Variants in SORCS2 observed in about 807,000 individuals in gnomAD.
The protein encoded by SORCS2 is sortilin related VPS10 domain containing receptor 2.
In SORCS2, 100 loss-of-function variants were observed where a neutral mutation model predicts 141.6. The ratio of observed to expected loss-of-function variants is 0.71; its 90% confidence interval spans 0.60 to 0.83. SORCS2 has a LOEUF of 0.83. SORCS2 is among the 40% of genes least tolerant of loss of function. The pLI, the probability that SORCS2 is intolerant of heterozygous loss-of-function variation, is 0.00. For missense variants in SORCS2, 1,646 were observed against 1,560.2 expected (o/e 1.05, Z -0.93); for synonymous variants, 789 against 676.9 (o/e 1.17, Z -2.57).
chr4:7,451,873 A>G (rs577450403), intron 2 of SORCS2, among the ~76,000 whole-genome samples: 15 of 152,322 alleles, frequency 9.8e-5, no homozygotes, highest in African/African-American at 3.6e-4. Context: ...CTGGGTCTGA[A>G]CATTCCCTGA....
At chr4:7,361,690 G>A (rs1373350233) in intron 1 of SORCS2, among the ~76,000 whole-genome samples, 3 of 150,938 alleles carry the variant, frequency 2.0e-5, no homozygotes, top group Admixed American at 2.0e-4. Context: ...GGGTGTGGGG[G>A]CCCGGGGAAG....
intron 1 of SORCS2, among the ~76,000 whole-genome samples, chr4:7,345,809 A>G (rs983573441): frequency 6.6e-6 from 1 of 151,264 alleles, no homozygotes; most frequent in African/African-American, 2.4e-5. Context: ...TCTCTCCCCA[A>G]CTCCATGCTC....
chr4:7,386,013 G>C (rs1723271458), intron 1 of SORCS2, among the ~76,000 whole-genome samples: 1 of 152,172 alleles, frequency 6.6e-6, no homozygotes, highest in Non-Finnish European at 1.5e-5. Context: ...GGCCAGACTG[G>C]GGTACATCCA....
intron 2 of SORCS2, among the ~76,000 whole-genome samples, chr4:7,522,588 C>T (rs9995830): frequency 0.01 from 1,526 of 152,198 alleles, 22 homozygotes; most frequent in African/African-American, 0.035. Flanking sequence ...TAAGCGCTGT[C>T]GTCCTACTCC....
intron 2 of SORCS2, among the ~76,000 whole-genome samples, chr4:7,469,574 C>T (rs1028126737): frequency 2.6e-5 from 4 of 152,336 alleles, no homozygotes; most frequent in African/African-American, 9.6e-5. Flanking sequence ...CTGTAGCTTC[C>T]TTCCAGCCCC....
intron 12 of SORCS2, among the ~76,000 whole-genome samples, chr4:7,698,873 G>A (rs1304174335): frequency 6.6e-6 from 1 of 152,018 alleles, no homozygotes; most frequent in Non-Finnish European, 1.5e-5. Flanking sequence ...AAGTTTCTTG[G>A]GGTGGGCTGA....
At chr4:7,631,127 G>T (rs1162538093) in intron 3 of SORCS2, among the ~76,000 whole-genome samples, 1 of 149,774 alleles carries the variant, frequency 6.7e-6, no homozygotes, top group Non-Finnish European at 1.5e-5. Flanking sequence ...CTGGGACATT[G>T]GCACCACCTT....
At chr4:7,738,034 C>G (rs1160958516) in intron 26 of SORCS2, among the ~76,000 whole-genome samples, 1 of 152,256 alleles carries the variant, frequency 6.6e-6, no homozygotes, top group Non-Finnish European at 1.5e-5. Context: ...GAGCCACACC[C>G]CTTTCAGGGC....
intron 3 of SORCS2, among the ~76,000 whole-genome samples, chr4:7,573,343 A>G (rs531052793): frequency 9.2e-5 from 14 of 152,244 alleles, no homozygotes; most frequent in Non-Finnish European, 2.1e-4. Context: ...AAATGTTGAC[A>G]GGTCCCAGTG....
intron 1 of SORCS2, among the ~76,000 whole-genome samples, chr4:7,252,315 G>A (rs1356496571): frequency 6.6e-6 from 1 of 152,172 alleles, no homozygotes; most frequent in Non-Finnish European, 1.5e-5. Flanking sequence ...CTGGGAGGGA[G>A]GGCATGCTGG....
intron 1 of SORCS2, among the ~76,000 whole-genome samples, chr4:7,257,191 C>A (rs1713947910): frequency 6.6e-6 from 1 of 152,104 alleles, no homozygotes; most frequent in Non-Finnish European, 1.5e-5. Context: ...AGTGATATTT[C>A]ACACAGATGG....
intron 2 of SORCS2, among the ~76,000 whole-genome samples, chr4:7,465,376 C>T (rs373313086): frequency 1.2e-4 from 18 of 152,108 alleles, no homozygotes; most frequent in East Asian, 1.2e-3. Context: ...ATGTGGTATT[C>T]GGGCTTTATC....
rs961025292 is a variant in SORCS2, at chr4:7,473,453, G to A, written c.549-58077G>A. Reference sequence around the variant, plus strand: ...CTCCAGAAGAGGGGCTTCACCCTGCGGTTGGGAAGGGCTGAGGGGCGTGCA... The same window carrying A: ...CTCCAGAAGAGGGGCTTCACCCTGCAGTTGGGAAGGGCTGAGGGGCGTGCA... On this transcript the variant is annotated intron_variant, in intron 2 of 26. Transcript: ENST00000507866. Among the ~76,000 whole-genome samples, 4 of 152,184 alleles carry A rather than the reference G, an allele frequency of 2.6e-5. No homozygotes were observed. In the East Asian group the frequency reaches 5.8e-4, roughly 22 times the overall value.
intron 3 of SORCS2, among the ~76,000 whole-genome samples, chr4:7,552,761 A>C (rs576617195): frequency 6.6e-6 from 1 of 151,206 alleles, no homozygotes; most frequent in Admixed American, 6.6e-5. Context: ...CTGCCTCTCC[A>C]CTCCAGCACC....
At chr4:7,433,357 T>C in intron 2 of SORCS2, 1 of 1,441,350 alleles carries the variant, frequency 6.9e-7, no homozygotes, top group African/African-American at 1.4e-5. Context: ...TTTCCATACA[T>C]GCTTCTGGCA....
At chr4:7,533,161 G>T (rs62280212) in intron 3 of SORCS2, among the ~76,000 whole-genome samples, 3,764 of 152,314 alleles carry the variant, frequency 0.025, 73 homozygotes, top group Non-Finnish European at 0.041. Flanking sequence ...ACCTGGTGGT[G>T]CAGGGGGCCT....
At chr4:7,636,418 C>T (rs1175327480) in intron 3 of SORCS2, among the ~76,000 whole-genome samples, 1 of 152,240 alleles carries the variant, frequency 6.6e-6, no homozygotes, top group African/African-American at 2.4e-5. Context: ...AACGAACGAA[C>T]ACTGTGTGCT....
At chr4:7,405,223 G>T (rs13102710) in intron 2 of SORCS2, among the ~76,000 whole-genome samples, 28,993 of 151,896 alleles carry the variant, frequency 0.19, 3,006 homozygotes, top group Non-Finnish European at 0.23. Flanking sequence ...GTGTCTATTT[G>T]TATAACAGTA....
chr4:7,493,479 A>G (rs760354111), intron 2 of SORCS2, among the ~76,000 whole-genome samples: 1 of 152,140 alleles, frequency 6.6e-6, no homozygotes, highest in Admixed American at 6.5e-5. Flanking sequence ...GACTGTGGGT[A>G]TCTCTGTGGG....
Sources: gnomAD v4.1 joint callset for allele counts (sites outside exome capture counted in the v4.1 genomes callset) on GRCh38, gnomAD v4.1.1 for gene constraint, MANE v1.5 for transcripts, NCBI Gene and HGNC (gene_info 2026-07-23, HGNC 2026-07-21) for gene names.